Variants in IBTK observed in about 807,000 individuals in gnomAD.
IBTK encodes inhibitor of Bruton tyrosine kinase, also known as BTK-binding protein.
IBTK carries 83 observed loss-of-function variants against 154.9 expected under a neutral mutation model. The observed-to-expected ratio is 0.54, with a 90% CI of 0.45 to 0.64. IBTK has a LOEUF of 0.64. Ranked by LOEUF, IBTK falls within the 30% of genes least tolerant of loss-of-function variation. The probability of loss-of-function intolerance (pLI) is 0.00; values close to 1 mark genes in which losing one functional copy is unlikely to be tolerated. For synonymous variants in IBTK, 515 were observed against 536.1 expected (o/e 0.96, Z 0.54); for missense variants, 1,332 against 1,584.6 (o/e 0.84, Z 2.71).
At position 82,209,951 on chromosome 6, in the gene IBTK, C is replaced by T. The variant is rs190791164; in HGVS notation, c.2509+863G>A. On this transcript the variant is annotated intron_variant, in intron 16 of 28. Coordinates refer to ENST00000306270, the MANE Select transcript of IBTK (RefSeq NM_015525.4). ...ATTTGTTTTCTTATACATTTGTCTT[C>T]TCCACTAGATTGAGTTTCTTGAATA... Among the ~76,000 whole-genome samples, 14 of 152,204 alleles carry T rather than the reference C, an allele frequency of 9.2e-5. No individual in the cohort carries two copies. The East Asian group carries it at 9.7e-4, about 11-fold the overall frequency.
intron 26 of IBTK, among the ~76,000 whole-genome samples, chr6:82,177,793 G>A (rs1269126978): frequency 5.3e-5 from 8 of 151,844 alleles, no homozygotes; most frequent in East Asian, 1.9e-4. Flanking sequence ...CATGTGATCC[G>A]CCCACATCAG....
At chr6:82,236,837 G>T (rs1333159518) in intron 2 of IBTK, among the ~76,000 whole-genome samples, 1 of 152,082 alleles carries the variant, frequency 6.6e-6, no homozygotes, top group African/African-American at 2.4e-5. Context: ...GAAGGTCAAA[G>T]TAAAAAAATA....
At position 82,218,113 on chromosome 6, in the gene IBTK, T is replaced by C; in HGVS notation, c.1273A>G (p.Ser425Gly). Residue 425 changes from serine (S) to glycine (G), a missense_variant, in exon 10 of 29, where the codon AGT becomes GGT. This residue lies in a region of IBTK where 1,134 missense variants were observed against 1,274.7 expected (regional missense o/e 0.89). Coordinates refer to ENST00000306270, the MANE Select transcript of IBTK (RefSeq NM_015525.4). Reference protein sequence around the residue: ...GRVFCWRSVNSSLKQCRWAYP... With the variant: ...GRVFCWRSVNGSLKQCRWAYP... ...GCCCATCGACACTGCTTCAGAGAACTGTTGACTGATCTCCAGCAAAACACC... is the reference window on the plus strand; with the variant it reads ...GCCCATCGACACTGCTTCAGAGAACCGTTGACTGATCTCCAGCAAAACACC... 1 of 1,577,738 alleles carries C rather than the reference T, an allele frequency of 6.3e-7. No homozygotes were observed. Among genetic ancestry groups the C allele is most frequent in the South Asian group, 1.2e-5 (1 of 84,346 alleles).
Position 82,211,479 on chromosome 6 carries a change from A to C in IBTK, c.2374+11T>G, listed in dbSNP as rs1769638416. ...AGCAAATAAATCAGCAGCTTTAAAA[A>C]GTGCACCTACCAAGTCTAGCACAAA... On this transcript the variant is annotated intron_variant, in intron 14 of 28. Transcript: ENST00000306270. 1 of 1,611,196 alleles carries C rather than the reference A, an allele frequency of 6.2e-7. No individual in the cohort carries two copies. Among genetic ancestry groups the C allele is most frequent in the Non-Finnish European group, 8.5e-7 (1 of 1,177,466 alleles).
intron 2 of IBTK, among the ~76,000 whole-genome samples, chr6:82,239,758 C>T (rs1351683758): frequency 8.8e-6 from 1 of 113,668 alleles, no homozygotes; most frequent in African/African-American, 3.3e-5. Context: ...CAGCACAGCT[C>T]TCTGAGCCTC....
At chr6:82,212,155 C>T (rs923982671) in intron 13 of IBTK, among the ~76,000 whole-genome samples, 3 of 152,054 alleles carry the variant, frequency 2.0e-5, no homozygotes, top group Admixed American at 6.6e-5. Flanking sequence ...CCACTATGCC[C>T]GGCTAATTTT....
chr6:82,180,243 TTTTG>T (rs1768271431), intron 26 of IBTK, among the ~76,000 whole-genome samples: 1 of 152,086 alleles, frequency 6.6e-6, no homozygotes, highest in Non-Finnish European at 1.5e-5. Context: ...GGTTTTTTTA[TTTTG>T]TTTTGTTTTG....
chr6:82,214,523 G>A lies in IBTK; in HGVS notation c.1908C>T (p.Tyr636=), dbSNP rs1769792774. The A allele has an allele frequency of 6.2e-7, 1 of 1,613,946 alleles. No individual in the cohort carries two copies. Among genetic ancestry groups the A allele is most frequent in the Non-Finnish European group, 8.5e-7 (1 of 1,179,894 alleles). Residue 636 remains tyrosine, a synonymous_variant, in exon 12 of 29, where the codon TAC becomes TAT. Coordinates refer to ENST00000306270, the MANE Select transcript of IBTK (RefSeq NM_015525.4). ...GAGTTAAAAAGTCACAAGTATCTGT[G>A]TATATAAATTGTAAAAGGTATTCAA... is the stretch of plus-strand genomic sequence containing the variant. ...DMFEYLLQFI[Y]TDTCDFLTHG...
In IBTK at chr6:82,216,628, T is replaced by C. The variant is rs149540462; in HGVS notation, c.1427-378A>G. On this transcript the variant is annotated intron_variant, in intron 10 of 28. Transcript: ENST00000306270. ...AATTCTTCAACTTGGATTAAAAATA[T>C]ATAAATCTACTGTCTTCATAATCTG... 4.2e-3 allele frequency among the ~76,000 whole-genome samples: 637 copies of C among 152,324 alleles called. 1 individual carries two copies. The highest frequency in any genetic ancestry group is 0.01 in the Middle Eastern group (3 of 294).
chr6:82,191,767 T>C lies in IBTK; in HGVS notation c.3431+20A>G. The C allele has an allele frequency of 2.2e-6, 3 of 1,374,876 alleles. No homozygotes were observed. The highest frequency in any genetic ancestry group is 3.1e-6 in the Non-Finnish European group (3 of 961,844). The allele number at this position is 1,374,876 out of a possible 1,614,324, so 85.2% of individuals were successfully genotyped here. On this transcript the variant is annotated intron_variant, in intron 24 of 28. Transcript: ENST00000306270. ...CAGAAATACAACATGAAATGATCTT[T>C]TGTAATGTTTTCAACCCACCCTAAA...
chr6:82,195,527 G>A (rs1768950578), intron 22 of IBTK, among the ~76,000 whole-genome samples: 1 of 151,856 alleles, frequency 6.6e-6, no homozygotes, highest in African/African-American at 2.4e-5. Flanking sequence ...GCAGTGAGCT[G>A]ATACTATACC....
At position 82,201,324 on chromosome 6, in the gene IBTK, G is replaced by A. The variant is rs113296886; in HGVS notation, c.2790+98C>T. 52 of 719,830 alleles carry A rather than the reference G, an allele frequency of 7.2e-5. 1 individual carries two copies. Among genetic ancestry groups the A allele is most frequent in the African/African-American group, 6.4e-4 (35 of 54,630 alleles). 44.6% of individuals were successfully genotyped at this position (719,830 alleles called of 1,614,324 possible). A position where few individuals can be genotyped will look rare whatever the true frequency, so the allele number is the denominator to read the frequency against. On this transcript the variant is annotated intron_variant, in intron 19 of 28. Coordinates refer to ENST00000306270, the MANE Select transcript of IBTK (RefSeq NM_015525.4). Reference sequence around the variant, plus strand: ...AGTTTTAAAAGATCCTAATGTACTAGAAGTCATTAGGAAACTATTCCATTA... The same window carrying A: ...AGTTTTAAAAGATCCTAATGTACTAAAAGTCATTAGGAAACTATTCCATTA...
At chr6:82,186,287 A>G (rs1393740533) in intron 25 of IBTK, among the ~76,000 whole-genome samples, 3 of 152,180 alleles carry the variant, frequency 2.0e-5, no homozygotes, top group Non-Finnish European at 4.4e-5. Flanking sequence ...AAAAAGTCAC[A>G]TGTCTCTCAC....
At chr6:82,222,494 T>C (rs952867083) in intron 8 of IBTK, among the ~76,000 whole-genome samples, 1 of 152,184 alleles carries the variant, frequency 6.6e-6, no homozygotes, top group African/African-American at 2.4e-5. Context: ...AAATACTATA[T>C]AAATGGTAAC....
At chr6:82,173,248 C>A (rs961702121) in intron 27 of IBTK, 119 bp downstream of exon 27, 3 of 628,344 alleles carry the variant, frequency 4.8e-6, no homozygotes. Flanking sequence ...ATGATCCACC[C>A]GCCTCAGTCT....
chr6:82,223,203 CTACATAT>C (rs1227155770), intron 8 of IBTK, among the ~76,000 whole-genome samples: 2 of 152,060 alleles, frequency 1.3e-5, no homozygotes, highest in Non-Finnish European at 2.9e-5. Context: ...TCATATTTAA[CTACATAT>C]TAAACATAAT....
chr6:82,215,686 C>T (rs994593881), intron 11 of IBTK, among the ~76,000 whole-genome samples: 20 of 146,870 alleles, frequency 1.4e-4, no homozygotes, highest in Non-Finnish European at 2.5e-4. Flanking sequence ...ACTTGGGAGG[C>T]TGAGGCAAGA....
chr6:82,229,880 A>G (rs1409182640), intron 4 of IBTK, among the ~76,000 whole-genome samples: 1 of 152,136 alleles, frequency 6.6e-6, no homozygotes, highest in Non-Finnish European at 1.5e-5. Flanking sequence ...TGTTCTCTCA[A>G]AATTTAATAT....
At chr6:82,186,732 T>A (rs569683584) in intron 25 of IBTK, among the ~76,000 whole-genome samples, 1 of 152,130 alleles carries the variant, frequency 6.6e-6, no homozygotes, top group Admixed American at 6.6e-5. Context: ...TCTCAAAAAT[T>A]CAGATTACCC....
Sources: gnomAD v4.1 joint callset for allele counts (sites outside exome capture counted in the v4.1 genomes callset) on GRCh38, gnomAD v4.1.1 for gene constraint, gnomAD v4.1.1 regional missense constraint, MANE v1.5 for transcripts, NCBI Gene and HGNC (gene_info 2026-07-23, HGNC 2026-07-21) for gene names.